The following PCDH15 variants were observed in gnomAD, a reference collection of about 807,000 sequenced individuals.
The protein encoded by PCDH15 is protocadherin related 15, also known as protocadherin-15.
A neutral mutation model predicts 178.5 loss-of-function variants in PCDH15; 129 were observed. That is an observed-to-expected ratio of 0.72 (90% CI 0.63 to 0.84). The LOEUF (loss-of-function observed/expected upper bound fraction) is 0.84, where lower values mean the gene tolerates loss of function less well. PCDH15 is among the 40% of genes least tolerant of loss of function. PCDH15 has a pLI of 0.00. For synonymous variants in PCDH15, 800 were observed against 732.0 expected (o/e 1.09, Z -1.50); for missense variants, 2,230 against 2,099.9 (o/e 1.06, Z -1.21).
At chr10:55,623,657 T>C (rs957208057) in intron 2 of PCDH15, among the ~76,000 whole-genome samples, 3 of 151,362 alleles carry the variant, frequency 2.0e-5, no homozygotes, top group African/African-American at 2.4e-5. Context: ...TCTATAGATA[T>C]AATATGATTT....
intron 8 of PCDH15, among the ~76,000 whole-genome samples, chr10:54,285,211 C>T (rs2058960037): frequency 6.7e-6 from 1 of 150,308 alleles, no homozygotes; most frequent in Non-Finnish European, 1.5e-5. Flanking sequence ...TGGATAAAAA[C>T]TTAAAAGCAC....
At chr10:54,385,649 T>A (rs1308850939) in intron 3 of PCDH15, among the ~76,000 whole-genome samples, 2 of 152,184 alleles carry the variant, frequency 1.3e-5, no homozygotes, top group Non-Finnish European at 2.9e-5. Context: ...GAGAGGTTAA[T>A]CCAGCCAAAC....
intron 1 of PCDH15, among the ~76,000 whole-genome samples, chr10:54,754,205 C>T (rs1214585282): frequency 6.6e-6 from 1 of 151,944 alleles, no homozygotes; most frequent in African/African-American, 2.4e-5. Flanking sequence ...TTTCAAATTT[C>T]CTTTAGATTA....
intron 2 of PCDH15, among the ~76,000 whole-genome samples, chr10:55,368,965 T>C (rs1031558926): frequency 6.8e-6 from 1 of 146,372 alleles, no homozygotes; most frequent in African/African-American, 2.5e-5. Flanking sequence ...AAATCATTTA[T>C]TACTTATTAT....
chr10:55,254,953 CTTTT>C (rs67124955), intron 1 of PCDH15, among the ~76,000 whole-genome samples: 1 of 150,540 alleles, frequency 6.6e-6, no homozygotes, highest in Admixed American at 6.6e-5. Flanking sequence ...TAAGTCTTTT[CTTTT>C]TTTTTTTATT....
chr10:55,424,727 A>G (rs1400221647), intron 2 of PCDH15, among the ~76,000 whole-genome samples: 1 of 152,126 alleles, frequency 6.6e-6, no homozygotes. Flanking sequence ...AAAAATGCTT[A>G]TATAAGAAAA....
chr10:54,786,208 CTG>C (rs1950860869), intron 1 of PCDH15, among the ~76,000 whole-genome samples: 1 of 151,970 alleles, frequency 6.6e-6, no homozygotes. Flanking sequence ...ATGCATTCAT[CTG>C]TATATCAATG....
In PCDH15 at chr10:55,522,562, T is replaced by C. The variant is rs531149632; in HGVS notation, c.-156+105063A>G. ...TTAATGATTGGCCTCTTTATCATTATATAATGATCTTCTTTGTCTCTTGTG... is the reference window on the plus strand; with the variant it reads ...TTAATGATTGGCCTCTTTATCATTACATAATGATCTTCTTTGTCTCTTGTG... On this transcript the variant is annotated intron_variant, in intron 2 of 5. Transcript: ENST00000613346. 3.3e-5 allele frequency among the ~76,000 whole-genome samples: 5 copies of C among 151,940 alleles called. No individual in the cohort carries two copies. The East Asian group carries it at 9.7e-4, about 29-fold the overall frequency.
At chr10:54,483,754 A>C (rs1053576569) in intron 3 of PCDH15, among the ~76,000 whole-genome samples, 1 of 151,838 alleles carries the variant, frequency 6.6e-6, no homozygotes, top group African/African-American at 2.4e-5. Flanking sequence ...TAGTTCCAAA[A>C]ATGTAGAGAA....
chr10:55,326,249 A>T (rs974373081), intron 2 of PCDH15, among the ~76,000 whole-genome samples: 3 of 152,144 alleles, frequency 2.0e-5, no homozygotes, highest in African/African-American at 4.8e-5. Flanking sequence ...ACCCAAAGGG[A>T]TATTAATTAT....
intron 9 of PCDH15, among the ~76,000 whole-genome samples, chr10:54,215,073 T>C (rs183259918): frequency 1.3e-5 from 2 of 152,184 alleles, no homozygotes; most frequent in African/African-American, 4.8e-5. Flanking sequence ...AAAAATAATA[T>C]AGCTTCCTAT....
chr10:55,402,365 T>A (rs1268783847), intron 2 of PCDH15, among the ~76,000 whole-genome samples: 1 of 151,980 alleles, frequency 6.6e-6, no homozygotes, highest in Non-Finnish European at 1.5e-5. Flanking sequence ...TTATTCATAT[T>A]AAGATTATTT....
intron 2 of PCDH15, among the ~76,000 whole-genome samples, chr10:55,580,728 T>C (rs893346544): frequency 1.7e-4 from 26 of 152,158 alleles, no homozygotes; most frequent in African/African-American, 5.3e-4. Flanking sequence ...AAAATCTATT[T>C]CTAATCTAAT....
intron 1 of PCDH15, among the ~76,000 whole-genome samples, chr10:54,767,621 T>C (rs1948662968): frequency 6.6e-6 from 1 of 152,142 alleles, no homozygotes; most frequent in Non-Finnish European, 1.5e-5. Flanking sequence ...TCAAATTTAA[T>C]AGTCATAAAT....
chr10:54,498,660 T>C (rs905921895), intron 3 of PCDH15, among the ~76,000 whole-genome samples: 11 of 152,100 alleles, frequency 7.2e-5, no homozygotes, highest in Admixed American at 4.6e-4. Flanking sequence ...CAGAACAGTC[T>C]TTAAACCTAC....
At chr10:54,625,446 G>A (rs530362959) in intron 2 of PCDH15, among the ~76,000 whole-genome samples, 1 of 152,274 alleles carries the variant, frequency 6.6e-6, no homozygotes, top group African/African-American at 2.4e-5. Flanking sequence ...TGTGTTGTGG[G>A]AGGGACCCAG....
chr10:54,857,400 T>G (rs980558625), intron 3 of PCDH15, among the ~76,000 whole-genome samples: 44 of 152,174 alleles, frequency 2.9e-4, no homozygotes, highest in African/African-American at 9.4e-4. Flanking sequence ...ACTTAAATCT[T>G]AATTTAGTGA....
At chr10:54,711,439 T>G (rs2095427180) in intron 1 of PCDH15, among the ~76,000 whole-genome samples, 1 of 151,932 alleles carries the variant, frequency 6.6e-6, no homozygotes, top group South Asian at 2.1e-4. Flanking sequence ...GGGAGTATAT[T>G]GTCACTATGA....
At chr10:55,175,590 C>T (rs542288913) in intron 1 of PCDH15, among the ~76,000 whole-genome samples, 30 of 147,088 alleles carry the variant, frequency 2.0e-4, no homozygotes, top group African/African-American at 7.2e-4. Flanking sequence ...CACTTTAACC[C>T]GGGAGGCAGA....
Sources: gnomAD v4.1 joint callset for allele counts (sites outside exome capture counted in the v4.1 genomes callset) on GRCh38, gnomAD v4.1.1 for gene constraint, MANE v1.5 for transcripts, NCBI Gene and HGNC (gene_info 2026-07-23, HGNC 2026-07-21) for gene names.